Variants in GRID2 observed in about 807,000 individuals in gnomAD.
The protein encoded by GRID2 is glutamate receptor ionotropic, delta-2.
A neutral mutation model predicts 114.8 loss-of-function variants in GRID2; 33 were observed. The observed-to-expected ratio is 0.29, with a 90% CI of 0.22 to 0.38. The LOEUF is 0.38. Ranked by LOEUF, GRID2 falls within the 10% of genes least tolerant of loss-of-function variation. The pLI, the probability that GRID2 is intolerant of heterozygous loss-of-function variation, is 1.00. For synonymous variants in GRID2, 505 were observed against 449.9 expected (o/e 1.12, Z -1.55); for missense variants, 1,184 against 1,257.7 (o/e 0.94, Z 0.89).
intron 4 of GRID2, among the ~76,000 whole-genome samples, chr4:93,134,389 A>C (rs954626828): frequency 1.3e-5 from 2 of 152,166 alleles, no homozygotes; most frequent in Admixed American, 1.3e-4. Context: ...ATCTGAACTG[A>C]GTAATGGGAT....
At chr4:93,435,871 A>G (rs910997822) in intron 10 of GRID2, among the ~76,000 whole-genome samples, 19 of 152,142 alleles carry the variant, frequency 1.2e-4, no homozygotes, top group Admixed American at 1.1e-3. Flanking sequence ...TCGGGTAAGG[A>G]TATGGAATGG....
In GRID2 at chr4:92,439,908, G is replaced by C. The variant is rs989967013; in HGVS notation, c.88+135164G>C. ...TAAACCGGCAGTGTAAACAAGAGCAGGGCATGTATGAGTAGTTGAGAACGG... is the reference window on the plus strand; with the variant it reads ...TAAACCGGCAGTGTAAACAAGAGCACGGCATGTATGAGTAGTTGAGAACGG... On this transcript the variant is annotated intron_variant, in intron 1 of 15. Coordinates refer to ENST00000282020, the MANE Select transcript of GRID2 (RefSeq NM_001510.4). Among the ~76,000 whole-genome samples the C allele has an allele frequency of 1.0e-4, 15 of 145,838 alleles. 2 individuals are homozygous for C. Among genetic ancestry groups the C allele is most frequent in the African/African-American group, 1.7e-4 (7 of 40,944 alleles).
intron 8 of GRID2, among the ~76,000 whole-genome samples, chr4:93,365,336 G>C (rs1560542939): frequency 6.6e-6 from 1 of 152,094 alleles, no homozygotes; most frequent in African/African-American, 2.4e-5. Context: ...GTTAAGTTCA[G>C]TTTTTCTTTC....
chr4:93,354,059 A>G (rs1181417468), intron 8 of GRID2, among the ~76,000 whole-genome samples: 1 of 151,920 alleles, frequency 6.6e-6, no homozygotes, highest in Non-Finnish European at 1.5e-5. Flanking sequence ...CAGACACTGT[A>G]TTAAGTAATT....
chr4:93,264,999 T>C (rs1421705303), intron 8 of GRID2, among the ~76,000 whole-genome samples: 3 of 151,750 alleles, frequency 2.0e-5, no homozygotes, highest in South Asian at 4.2e-4. Flanking sequence ...GCCAGGATGG[T>C]CTCGATCTCT....
intron 2 of GRID2, among the ~76,000 whole-genome samples, chr4:92,934,910 C>T (rs13121306): frequency 0.23 from 33,590 of 145,960 alleles, 6,420 homozygotes; most frequent in Middle Eastern, 0.39. Flanking sequence ...AAGACTTAAA[C>T]GTTCGACCTA....
At chr4:92,370,913 G>A (rs926688404) in intron 1 of GRID2, among the ~76,000 whole-genome samples, 5 of 152,072 alleles carry the variant, frequency 3.3e-5, no homozygotes, top group African/African-American at 9.7e-5. Context: ...AAAACGGAAC[G>A]TTCTAGAAAG....
In GRID2 at chr4:93,079,815, A is replaced by T. The variant is rs560565597; in HGVS notation, c.245-5180A>T. ...ACGTTGGCTTTAGATGAGTGAAAAA[A>T]TAGTTGACTGAAAATTACTCAACTG... is the stretch of plus-strand genomic sequence containing the variant. On this transcript the variant is annotated intron_variant, in intron 2 of 15. Coordinates refer to ENST00000282020, the MANE Select transcript of GRID2 (RefSeq NM_001510.4). Among the ~76,000 whole-genome samples the T allele has an allele frequency of 2.0e-5, 3 of 152,262 alleles. No homozygotes were observed. The South Asian group carries it at 6.2e-4, about 32-fold the overall frequency.
intron 13 of GRID2, among the ~76,000 whole-genome samples, chr4:93,528,080 T>C (rs954588845): frequency 4.6e-5 from 7 of 152,066 alleles, no homozygotes; most frequent in African/African-American, 1.2e-4. Context: ...GTTGTGTATA[T>C]GTGTATGTGT....
intron 1 of GRID2, among the ~76,000 whole-genome samples, chr4:92,405,304 T>A (rs1730973850): frequency 6.6e-6 from 1 of 152,218 alleles, no homozygotes; most frequent in African/African-American, 2.4e-5. Context: ...ACTGGCATGT[T>A]ATTAATGCAC....
chr4:92,957,986 T>C (rs1372013940), intron 2 of GRID2, among the ~76,000 whole-genome samples: 1 of 152,072 alleles, frequency 6.6e-6, no homozygotes, highest in East Asian at 1.9e-4. Flanking sequence ...GATTAACTTG[T>C]GTATATTAAC....
At chr4:92,709,853 A>G (rs767269749) in intron 2 of GRID2, among the ~76,000 whole-genome samples, 3 of 151,850 alleles carry the variant, frequency 2.0e-5, no homozygotes, top group African/African-American at 4.8e-5. Context: ...AGATGTATCT[A>G]TTAGATTTCT....
At chr4:93,337,551 A>G (rs970571447) in intron 8 of GRID2, among the ~76,000 whole-genome samples, 4 of 152,134 alleles carry the variant, frequency 2.6e-5, no homozygotes, top group African/African-American at 9.7e-5. Context: ...GGGAGACACT[A>G]TCTTTATTAT....
At chr4:92,775,197 A>G (rs1371696596) in intron 2 of GRID2, among the ~76,000 whole-genome samples, 1 of 152,138 alleles carries the variant, frequency 6.6e-6, no homozygotes, top group Admixed American at 6.6e-5. Flanking sequence ...TTCCTAGGGT[A>G]GCAGTTCTTA....
Position 93,050,238 on chromosome 4 carries a change from A to G in GRID2, c.245-34757A>G, listed in dbSNP as rs978859426. 5.3e-5 allele frequency among the ~76,000 whole-genome samples: 8 copies of G among 152,228 alleles called. No homozygotes were observed. In the South Asian group the frequency reaches 1.7e-3, roughly 32 times the overall value. The stretch of plus-strand genomic sequence containing the variant: ...TTCATTTAATATTGTTGCAATAGCC[A>G]GTCAACCATTAAATAAAAGTTCCTG... On this transcript the variant is annotated intron_variant, in intron 2 of 15. Transcript: ENST00000282020.
intron 1 of GRID2, among the ~76,000 whole-genome samples, chr4:92,410,480 C>T (rs1264677261): frequency 6.6e-6 from 1 of 152,190 alleles, no homozygotes; most frequent in Non-Finnish European, 1.5e-5. Context: ...AGATACCATT[C>T]TGTGCATTGG....
intron 13 of GRID2, among the ~76,000 whole-genome samples, chr4:93,566,956 G>A (rs1170799951): frequency 6.6e-6 from 1 of 151,818 alleles, no homozygotes; most frequent in Non-Finnish European, 1.5e-5. Flanking sequence ...GTCTGCAAAA[G>A]TATCCTCCCT....
intron 8 of GRID2, among the ~76,000 whole-genome samples, chr4:93,341,060 G>A (rs1759596429): frequency 6.6e-6 from 1 of 152,024 alleles, no homozygotes; most frequent in African/African-American, 2.4e-5. Context: ...ATAAACAGCG[G>A]TTTAAAATCT....
In GRID2 at chr4:93,608,783, T is replaced by G. The variant is rs1157367512; in HGVS notation, c.2194-17486T>G. ...GCCGCAATAAACATACGGGTGCATG[T>G]GTCTTTATAGCAGCATGATTTATAG... is the stretch of plus-strand genomic sequence containing the variant. On this transcript the variant is annotated intron_variant, in intron 13 of 15. Transcript: ENST00000282020. 1.3e-4 allele frequency among the ~76,000 whole-genome samples: 18 copies of G among 137,094 alleles called. 4 individuals are homozygous for G. The highest frequency in any genetic ancestry group is 1.3e-3 in the Admixed American group (18 of 13,944). 89.9% of individuals were successfully genotyped at this position (137,094 alleles called of 152,430 possible).
Sources: gnomAD v4.1 joint callset for allele counts (sites outside exome capture counted in the v4.1 genomes callset) on GRCh38, gnomAD v4.1.1 for gene constraint, MANE v1.5 for transcripts, NCBI Gene and HGNC (gene_info 2026-07-23, HGNC 2026-07-21) for gene names.